Variants in CSGALNACT1 observed in about 807,000 individuals in gnomAD.
CSGALNACT1 encodes the protein beta4GalNAcT-1.
In CSGALNACT1, 52 loss-of-function variants were observed where a neutral mutation model predicts 51.0. The observed-to-expected ratio is 1.02, with a 90% CI of 0.82 to 1.29. The LOEUF (loss-of-function observed/expected upper bound fraction) is 1.29. CSGALNACT1 is among the 50% of genes most tolerant of loss of function. The pLI is 0.00. For missense variants in CSGALNACT1, 935 were observed against 679.2 expected (o/e 1.38, Z -4.19); for synonymous variants, 341 against 254.4 (o/e 1.34, Z -3.24).
chr8:19,686,872 C>A (rs772787172), upstream of CSGALNACT1, among the ~76,000 whole-genome samples: 6 of 152,130 alleles, frequency 3.9e-5, no homozygotes, highest in Non-Finnish European at 4.4e-5. Context: ...AGAGATAGGA[C>A]TTCTGGTGGG....
At chr8:19,546,439 C>A (rs1391830565) in intron 3 of CSGALNACT1, among the ~76,000 whole-genome samples, 1 of 152,070 alleles carries the variant, frequency 6.6e-6, no homozygotes. Context: ...TGGTCATGGA[C>A]CTCAATAGAA....
intron 3 of CSGALNACT1, among the ~76,000 whole-genome samples, chr8:19,577,498 T>C (rs2044528977): frequency 6.6e-6 from 1 of 151,580 alleles, no homozygotes; most frequent in African/African-American, 2.4e-5. Flanking sequence ...GAATTCAAGG[T>C]TATAGTGATC....
intron 1 of CSGALNACT1, among the ~76,000 whole-genome samples, chr8:19,746,250 C>A (rs1459774330): frequency 1.3e-5 from 2 of 152,118 alleles, no homozygotes; most frequent in Non-Finnish European, 2.9e-5. Context: ...TCAGAATCCA[C>A]TGTCTGTTCA....
At chr8:19,463,913 T>C (rs767835623) in intron 4 of CSGALNACT1, among the ~76,000 whole-genome samples, 1 of 152,194 alleles carries the variant, frequency 6.6e-6, no homozygotes, top group Non-Finnish European at 1.5e-5. Context: ...TTCACACAAA[T>C]GTCTATTCCT....
intron 1 of CSGALNACT1, among the ~76,000 whole-genome samples, chr8:19,690,011 T>G (rs1349850514): frequency 2.0e-5 from 3 of 152,222 alleles, no homozygotes; most frequent in Admixed American, 1.3e-4. Flanking sequence ...TCACTAATCA[T>G]TAAAGCCAAT....
exon 1 of CSGALNACT1, chr8:19,602,359 T>TA (rs5889876): frequency 0.15 from 22,695 of 152,576 alleles, 2,090 homozygotes; most frequent in African/African-American, 0.26. Flanking sequence ...TGTTAAAAAA[T>TA]AAAAAATTTC....
intron 4 of CSGALNACT1, among the ~76,000 whole-genome samples, chr8:19,464,826 A>G (rs186600014): frequency 1.3e-5 from 2 of 152,290 alleles, no homozygotes; most frequent in East Asian, 3.9e-4. Flanking sequence ...CCTGGTGCCA[A>G]GAAGGTTAGG....
chr8:19,653,284 C>T (rs888281152), intron 1 of CSGALNACT1, among the ~76,000 whole-genome samples: 19 of 152,154 alleles, frequency 1.2e-4, no homozygotes, highest in Non-Finnish European at 2.4e-4. Context: ...GCTGAGCACA[C>T]AGCGCTGTTG....
chr8:19,510,623 G>A (rs868070299), intron 3 of CSGALNACT1, among the ~76,000 whole-genome samples: 3 of 152,080 alleles, frequency 2.0e-5, no homozygotes, highest in African/African-American at 7.2e-5. Context: ...GCCCCAAACA[G>A]ACAAATACCA....
intron 1 of CSGALNACT1, among the ~76,000 whole-genome samples, chr8:19,616,463 T>A (rs2053028808): frequency 1.3e-5 from 2 of 152,260 alleles, no homozygotes; most frequent in Admixed American, 1.3e-4. Flanking sequence ...ACCCCATGAT[T>A]TTTATTTTCA....
chr8:19,432,897 A>G (rs1012967785), intron 6 of CSGALNACT1, among the ~76,000 whole-genome samples: 1 of 152,092 alleles, frequency 6.6e-6, no homozygotes, highest in African/African-American at 2.4e-5. Context: ...ACTGATTAAA[A>G]ATTTTTGTCT....
chr8:19,505,874 C>T (rs369366373), exon 4 of CSGALNACT1: 1 of 1,602,482 alleles, frequency 6.2e-7, no homozygotes, highest in Non-Finnish European at 8.5e-7. Context: ...TGGCATCCCT[C>T]AAAGCCGGGG....
At chr8:19,518,277 C>CA (rs2079948743) in intron 3 of CSGALNACT1, among the ~76,000 whole-genome samples, 1 of 152,154 alleles carries the variant, frequency 6.6e-6, no homozygotes, top group Non-Finnish European at 1.5e-5. Flanking sequence ...GAGCCCCAGA[C>CA]ATACATAAGC....
chr8:19,538,625 G>C (rs771603878), intron 3 of CSGALNACT1, among the ~76,000 whole-genome samples: 2 of 152,108 alleles, frequency 1.3e-5, no homozygotes, highest in Non-Finnish European at 2.9e-5. Flanking sequence ...GTGCATAAAG[G>C]TTTAGTTTCT....
intron 1 of CSGALNACT1, among the ~76,000 whole-genome samples, chr8:19,619,691 A>G (rs1218091785): frequency 6.6e-6 from 1 of 152,218 alleles, no homozygotes; most frequent in Non-Finnish European, 1.5e-5. Flanking sequence ...TGTTCAAAAC[A>G]CAGTTTTGAA....
At chr8:19,500,989 C>T (rs945972115) in intron 4 of CSGALNACT1, among the ~76,000 whole-genome samples, 19 of 152,276 alleles carry the variant, frequency 1.2e-4, no homozygotes, top group African/African-American at 4.6e-4. Flanking sequence ...GTGGCTCACG[C>T]CTGTAATCCC....
chr8:19,456,516 G>A (rs1051099245), intron 5 of CSGALNACT1, among the ~76,000 whole-genome samples: 1 of 152,228 alleles, frequency 6.6e-6, no homozygotes, highest in African/African-American at 2.4e-5. Context: ...CATTCAGAAC[G>A]CCGCAGGTTC....
intron 4 of CSGALNACT1, among the ~76,000 whole-genome samples, chr8:19,474,655 G>C (rs1308418922): frequency 6.6e-6 from 1 of 151,912 alleles, no homozygotes; most frequent in African/African-American, 2.4e-5. Context: ...GATCAATTGA[G>C]GTCGGGAGTT....
intron 1 of CSGALNACT1, among the ~76,000 whole-genome samples, chr8:19,612,946 GAAAAAA>G (rs1165754811): frequency 0.049 from 760 of 15,466 alleles, 49 homozygotes; most frequent in African/African-American, 0.099. Flanking sequence ...AAAGCAGCTG[GAAAAAA>G]AAAAAAAAAA....
Sources: allele counts gnomAD v4.1 joint callset (sites outside exome capture counted in the v4.1 genomes callset), GRCh38; gene constraint gnomAD v4.1.1; transcripts MANE v1.5; gene names NCBI Gene and HGNC (gene_info 2026-07-23, HGNC 2026-07-21).